Variants in BFSP2 observed in about 807,000 individuals in gnomAD.
BFSP2 encodes the protein beaded filament structural protein 2, also known as phakinin.
A neutral mutation model predicts 44.9 loss-of-function variants in BFSP2; 38 were observed. That is an observed-to-expected ratio of 0.85 (90% CI 0.65 to 1.11). BFSP2 has a LOEUF of 1.11. Among genes scored for constraint, BFSP2 ranks in the 50% least tolerant of loss-of-function variants. BFSP2 has a pLI of 0.00. For missense variants in BFSP2, 525 were observed against 533.0 expected (o/e 0.99, Z 0.15); for synonymous variants, 197 against 209.9 (o/e 0.94, Z 0.53).
intron 1 of BFSP2, among the ~76,000 whole-genome samples, chr3:133,430,473 T>C (rs1274196746): frequency 2.0e-5 from 3 of 152,186 alleles, no homozygotes; most frequent in African/African-American, 4.8e-5. Context: ...TGGTATCTCA[T>C]TGTGGTTTTG....
chr3:133,403,790 T>C (rs1394908731), intron 1 of BFSP2, among the ~76,000 whole-genome samples: 1 of 151,990 alleles, frequency 6.6e-6, no homozygotes, highest in Admixed American at 6.5e-5. Flanking sequence ...GGGGGTCCCC[T>C]GTCCCCTGGA....
At chr3:133,421,982 C>T (rs1473644238) in intron 1 of BFSP2, among the ~76,000 whole-genome samples, 1 of 151,764 alleles carries the variant, frequency 6.6e-6, no homozygotes, top group Non-Finnish European at 1.5e-5. Flanking sequence ...TGGTGCGCAC[C>T]TATAGTCCCA....
intron 1 of BFSP2, among the ~76,000 whole-genome samples, chr3:133,431,966 A>G (rs993640501): frequency 6.6e-6 from 1 of 151,832 alleles, no homozygotes; most frequent in Non-Finnish European, 1.5e-5. Context: ...CCCAACCCAA[A>G]GCCTCCTTTG....
intron 1 of BFSP2, among the ~76,000 whole-genome samples, chr3:133,421,449 T>G (rs1009563755): frequency 6.6e-6 from 1 of 152,256 alleles, no homozygotes; most frequent in African/African-American, 2.4e-5. Flanking sequence ...GGCCCGTAGA[T>G]GCATCACCCC....
At chr3:133,456,550 C>T (rs2107932153) in intron 4 of BFSP2, among the ~76,000 whole-genome samples, 1 of 152,140 alleles carries the variant, frequency 6.6e-6, no homozygotes, top group Non-Finnish European at 1.5e-5. Context: ...AGTTCAAGAC[C>T]AGCCTAAACA....
At chr3:133,441,273 T>C (rs2073842897) in intron 1 of BFSP2, among the ~76,000 whole-genome samples, 2 of 152,096 alleles carry the variant, frequency 1.3e-5, no homozygotes, top group African/African-American at 4.8e-5. Flanking sequence ...TGACCTCAGG[T>C]GATCCGTCTG....
intron 5 of BFSP2, among the ~76,000 whole-genome samples, chr3:133,469,134 G>A (rs180901793): frequency 4.0e-4 from 61 of 152,354 alleles, no homozygotes; most frequent in Non-Finnish European, 7.9e-4. Flanking sequence ...GAAAACTTCA[G>A]AGTAGTGCCA....
chr3:133,420,725 T>G (rs1350192390), intron 1 of BFSP2, among the ~76,000 whole-genome samples: 1 of 152,196 alleles, frequency 6.6e-6, no homozygotes, highest in African/African-American at 2.4e-5. Flanking sequence ...ACGTGTCCTG[T>G]GCAGCCCCTG....
At chr3:133,412,876 T>A (rs1007417947) in intron 1 of BFSP2, among the ~76,000 whole-genome samples, 1 of 152,212 alleles carries the variant, frequency 6.6e-6, no homozygotes. Context: ...GCGGCTGCAA[T>A]GTCTGACACA....
chr3:133,448,937 C>A (rs141053308), intron 3 of BFSP2: 26 of 424,558 alleles, frequency 6.1e-5, no homozygotes, highest in Non-Finnish European at 1.1e-4. Context: ...AGGGAGCAAC[C>A]CCTCCTCAAT....
At chr3:133,432,515 A>T (rs1251075152) in intron 1 of BFSP2, among the ~76,000 whole-genome samples, 1 of 152,010 alleles carries the variant, frequency 6.6e-6, no homozygotes, top group Non-Finnish European at 1.5e-5. Flanking sequence ...TACTTCAGCC[A>T]AGCTCTTTCT....
At chr3:133,415,137 A>C (rs1372530405) in intron 1 of BFSP2, among the ~76,000 whole-genome samples, 258 of 41,810 alleles carry the variant, frequency 6.2e-3, no homozygotes, top group African/African-American at 7.1e-3. Flanking sequence ...CCTCTACTCA[A>C]CCCTGCCCTC....
rs145914314 is a variant in BFSP2 at position 133,433,221 on chromosome 3, A to G, written c.490-14096A>G. ...CACCTGACATTCATCCCATTTCCCC[A>G]TATTTGCTTCTTTCCTGTTCCTCAC... On this transcript the variant is annotated intron_variant, in intron 1 of 6. Transcript: ENST00000302334. 3.9e-3 allele frequency among the ~76,000 whole-genome samples: 600 copies of G among 151,996 alleles called. 1 individual carries two copies. Among genetic ancestry groups the G allele is most frequent in the African/African-American group, 0.014 (568 of 41,410 alleles).
Position 133,472,458 on chromosome 3 carries a change from G to A in BFSP2, c.1137G>A (p.Ala379=), listed in dbSNP as rs1576601999. 11 of 1,614,034 alleles carry A rather than the reference G, an allele frequency of 6.8e-6. 1 individual carries two copies. In the Middle Eastern group the frequency reaches 1.5e-3, roughly 222 times the overall value. ...AGGCGGAGCTCAGGGAAATCCGAGC[G>A]GAGGCGGAGCAGCAGCAACAGGAGC... is the stretch of plus-strand genomic sequence containing the variant. ...RLEAELREIR[A]EAEQQQQERA... The change falls in exon 6 of 7, where the codon GCG becomes GCA. Residue 379 remains alanine (A), a synonymous_variant. Transcript: ENST00000302334.
chr3:133,415,143 C>T (rs2073506113), intron 1 of BFSP2, among the ~76,000 whole-genome samples: 2 of 127,276 alleles, frequency 1.6e-5, no homozygotes, highest in East Asian at 2.7e-4. Flanking sequence ...CTCAACCCTG[C>T]CCTCTCCCCC....
At chr3:133,411,587 C>T (rs1032457596) in intron 1 of BFSP2, among the ~76,000 whole-genome samples, 3 of 152,036 alleles carry the variant, frequency 2.0e-5, no homozygotes, top group Non-Finnish European at 2.9e-5. Context: ...TACTAATTTA[C>T]AGAAAAGAAG....
At chr3:133,420,968 G>A (rs1250184819) in intron 1 of BFSP2, among the ~76,000 whole-genome samples, 1 of 152,202 alleles carries the variant, frequency 6.6e-6, no homozygotes, top group African/African-American at 2.4e-5. Context: ...CCCTGGCCCT[G>A]TTACTAACCC....
intron 4 of BFSP2, among the ~76,000 whole-genome samples, chr3:133,454,261 A>C (rs568033808): frequency 6.6e-6 from 1 of 152,314 alleles, no homozygotes; most frequent in Admixed American, 6.5e-5. Context: ...TCAAAGGAGA[A>C]GTACACTATG....
chr3:133,430,619 G>C (rs1322261489), intron 1 of BFSP2, among the ~76,000 whole-genome samples: 2 of 152,066 alleles, frequency 1.3e-5, no homozygotes, highest in Non-Finnish European at 2.9e-5. Flanking sequence ...TCATAAAATG[G>C]GCAAATGGTC....
Sources: allele counts gnomAD v4.1 joint callset (sites outside exome capture counted in the v4.1 genomes callset), GRCh38; gene constraint gnomAD v4.1.1; transcripts MANE v1.5; gene names NCBI Gene and HGNC (gene_info 2026-07-23, HGNC 2026-07-21).